Variants in CDC42BPB observed in about 807,000 individuals in gnomAD.
CDC42BPB encodes serine/threonine-protein kinase MRCK beta.
Under a neutral mutation model 214.9 loss-of-function variants are expected in CDC42BPB, and 37 were observed. That is an observed-to-expected ratio of 0.17 (90% CI 0.13 to 0.23). CDC42BPB has a LOEUF of 0.23. Ranked by LOEUF, CDC42BPB falls within the 10% of genes least tolerant of loss-of-function variation. The pLI, the probability that CDC42BPB is intolerant of heterozygous loss-of-function variation, is 1.00. For missense variants in CDC42BPB, 1,694 were observed against 2,227.0 expected (o/e 0.76, Z 4.82); for synonymous variants, 931 against 884.0 (o/e 1.05, Z -0.94).
Position 102,964,660 on chromosome 14 carries a change from C to A in CDC42BPB, c.2578-10G>T, listed in dbSNP as rs769307970. 2.5e-6 allele frequency: 4 copies of A among 1,584,304 alleles called. No individual in the cohort carries two copies. In the African/African-American group the frequency reaches 5.4e-5, roughly 21 times the overall value. On this transcript the variant is annotated splice_polypyrimidine_tract_variant and intron_variant, in intron 18 of 36. Coordinates refer to ENST00000361246, the MANE Select transcript of CDC42BPB (RefSeq NM_006035.4). Reference sequence around the variant, plus strand: ...CCTTCCACAGCGGGTCCTTGAGACACGGTCATGGCGTTAAAAATGCATTTT... The same window carrying A: ...CCTTCCACAGCGGGTCCTTGAGACAAGGTCATGGCGTTAAAAATGCATTTT...
intron 34 of CDC42BPB, among the ~76,000 whole-genome samples, chr14:102,938,826 C>G (rs1213478738): frequency 1.3e-5 from 2 of 152,058 alleles, no homozygotes; most frequent in African/African-American, 4.8e-5. Flanking sequence ...CAGGGTTTCT[C>G]CATGTTGGCC....
intron 3 of CDC42BPB, among the ~76,000 whole-genome samples, chr14:103,006,164 C>T (rs548866564): frequency 6.6e-6 from 1 of 152,320 alleles, no homozygotes; most frequent in East Asian, 1.9e-4. Flanking sequence ...CTGCCAACAG[C>T]CACCTCAGCC....
At chr14:103,013,085 T>C (rs1886247228) in intron 1 of CDC42BPB, among the ~76,000 whole-genome samples, 1 of 152,194 alleles carries the variant, frequency 6.6e-6, no homozygotes, top group Non-Finnish European at 1.5e-5. Flanking sequence ...GCAAACATCA[T>C]CACACAAAAG....
At chr14:102,961,162 GAATCAATCAATCAATC>G (rs34666495) in intron 20 of CDC42BPB, among the ~76,000 whole-genome samples, 7 of 149,648 alleles carry the variant, frequency 4.7e-5, no homozygotes, top group Non-Finnish European at 8.9e-5. Flanking sequence ...GCAAGACCCT[GAATCAATCAATCAATC>G]AATCAATCAA....
intron 21 of CDC42BPB, chr14:102,956,371 G>A (rs1205257755): frequency 1.2e-6 from 1 of 807,624 alleles, no homozygotes; most frequent in Non-Finnish European, 1.5e-6. Context: ...ACTTAATCTT[G>A]GTGACAAACT....
chr14:102,962,087 T>C (rs760115074), intron 20 of CDC42BPB, among the ~76,000 whole-genome samples: 1 of 152,200 alleles, frequency 6.6e-6, no homozygotes, highest in Non-Finnish European at 1.5e-5. Context: ...ATGAGAAATA[T>C]GCAAGTTAAA....
In CDC42BPB at chr14:102,973,690, G is replaced by A. The variant is rs183979629; in HGVS notation, c.1641+326C>T. 8.6e-5 allele frequency among the ~76,000 whole-genome samples: 13 copies of A among 151,608 alleles called. No homozygotes were observed. In the East Asian group the frequency reaches 1.4e-3, roughly 16 times the overall value. ...CCATGCCCTATCGACATCTTTCCTC[G>A]CTTTAGAATGCAGTGGGGTGCTGCT... On this transcript the variant is annotated intron_variant, in intron 12 of 36. Transcript: ENST00000361246.
intron 4 of CDC42BPB, among the ~76,000 whole-genome samples, chr14:103,003,124 A>C (rs935686075): frequency 2.0e-5 from 3 of 152,120 alleles, no homozygotes; most frequent in African/African-American, 7.2e-5. Context: ...TCTCGCCACC[A>C]CTGCAGAAAC....
In CDC42BPB at chr14:103,012,063, T is replaced by G; in HGVS notation, c.267+34A>C. ...TGGAAGCTGCTGATGTTTTGGCAAT[T>G]TAGGCAAAGTTAACAAAATGAAGTT... On this transcript the variant is annotated intron_variant, in intron 2 of 36. Coordinates refer to ENST00000361246, the MANE Select transcript of CDC42BPB (RefSeq NM_006035.4). 3 of 1,460,164 alleles carry G rather than the reference T, an allele frequency of 2.1e-6. No individual in the cohort carries two copies. In the African/African-American group the frequency reaches 4.2e-5, roughly 20 times the overall value. The allele number at this position is 1,460,164 out of a possible 1,614,324, so 90.5% of individuals were successfully genotyped here.
intron 8 of CDC42BPB, among the ~76,000 whole-genome samples, chr14:102,979,210 T>TTTC (rs897340018): frequency 1.3e-5 from 2 of 151,942 alleles, no homozygotes; most frequent in Non-Finnish European, 2.9e-5. Flanking sequence ...AGATTTAACT[T>TTTC]TTCTTGTTTT....
intron 1 of CDC42BPB, among the ~76,000 whole-genome samples, chr14:103,027,663 A>G (rs1887126588): frequency 1.3e-5 from 2 of 152,236 alleles, no homozygotes; most frequent in South Asian, 4.1e-4. Context: ...TGTCCAGAAT[A>G]GGCAAATCCA....
intron 36 of CDC42BPB, among the ~76,000 whole-genome samples, chr14:102,935,745 G>A (rs111233575): frequency 0.017 from 2,429 of 146,478 alleles, 67 homozygotes; most frequent in African/African-American, 0.06. Flanking sequence ...AGCCAAGATC[G>A]TGCCACTGCA....
chr14:103,045,012 C>G lies in CDC42BPB; in HGVS notation c.175+11987G>C, dbSNP rs1888212459. Among the ~76,000 whole-genome samples the G allele has an allele frequency of 2.7e-5, 4 of 149,200 alleles. No homozygotes were observed. In the South Asian group the frequency reaches 8.7e-4, roughly 32 times the overall value. On this transcript the variant is annotated intron_variant, in intron 1 of 36. Coordinates refer to ENST00000361246, the MANE Select transcript of CDC42BPB (RefSeq NM_006035.4). ...CTCTGGAGTTCAAGACCAGCCTGGC[C>G]AATATAGGGAGACTCTGTCTCTAAA...
intron 12 of CDC42BPB, among the ~76,000 whole-genome samples, chr14:102,973,802 C>G (rs146386198): frequency 1.3e-5 from 2 of 152,350 alleles, no homozygotes; most frequent in Non-Finnish European, 2.9e-5. Flanking sequence ...GCACCTGCCA[C>G]TGGGAGCCAA....
chr14:103,052,531 C>T (rs1851768737), intron 1 of CDC42BPB, among the ~76,000 whole-genome samples: 1 of 152,194 alleles, frequency 6.6e-6, no homozygotes, highest in South Asian at 2.1e-4. Flanking sequence ...CTTGGGCTGG[C>T]CATTCCCACA....
chr14:102,975,574 C>A (rs535445355), intron 11 of CDC42BPB, 110 bp downstream of exon 11: 5 of 1,168,036 alleles, frequency 4.3e-6, no homozygotes, highest in South Asian at 2.9e-5. Context: ...CTTGCTAAAG[C>A]CTAAGCTTTT....
chr14:103,054,314 C>A (rs1386092437), intron 1 of CDC42BPB, among the ~76,000 whole-genome samples: 4 of 152,152 alleles, frequency 2.6e-5, no homozygotes, highest in Non-Finnish European at 4.4e-5. Flanking sequence ...AGATACCTGG[C>A]AAGATTTGGG....
At chr14:103,003,271 C>T (rs992678988) in intron 4 of CDC42BPB, among the ~76,000 whole-genome samples, 9 of 152,228 alleles carry the variant, frequency 5.9e-5, no homozygotes, top group Non-Finnish European at 1.0e-4. Context: ...AAGTCCTGAA[C>T]AAGGCGGTCT....
chr14:103,041,809 C>A (rs757913201), intron 1 of CDC42BPB: 16 of 413,128 alleles, frequency 3.9e-5, no homozygotes, highest in Non-Finnish European at 7.5e-5. Flanking sequence ...CAAGGTGCGG[C>A]GGCTGAAGGA....
Sources: allele counts gnomAD v4.1 joint callset (sites outside exome capture counted in the v4.1 genomes callset), GRCh38; gene constraint gnomAD v4.1.1; transcripts MANE v1.5; gene names NCBI Gene and HGNC (gene_info 2026-07-23, HGNC 2026-07-21).